The following PPP1CB variants were observed in gnomAD, a reference collection of about 807,000 sequenced individuals.
The protein encoded by PPP1CB is serine/threonine-protein phosphatase PP1-beta catalytic subunit.
In PPP1CB, 2 loss-of-function variants were observed where a neutral mutation model predicts 43.7. The ratio of observed to expected loss-of-function variants is 0.05; its 90% CI spans 0.02 to 0.14. The LOEUF (loss-of-function observed/expected upper bound fraction) is 0.14. Among genes scored for constraint, PPP1CB ranks in the 10% least tolerant of loss-of-function variants. The pLI is 1.00. For missense variants in PPP1CB, 84 were observed against 398.0 expected, an observed-to-expected ratio of 0.21 and a Z score of 6.71; for synonymous variants, 136 against 135.6, an observed-to-expected ratio of 1.00 and a Z score of -0.02.
At chr2:28,764,459 C>CAAA (rs563880320) in intron 1 of PPP1CB, among the ~76,000 whole-genome samples, 11 of 90,230 alleles carry the variant, frequency 1.2e-4, no homozygotes, top group African/African-American at 3.3e-4. Context: ...GACTCCATCT[C>CAAA]AAAAAAAAAA....
intron 6 of PPP1CB, among the ~76,000 whole-genome samples, chr2:28,791,609 C>T (rs1004306686): frequency 3.3e-5 from 5 of 152,030 alleles, no homozygotes; most frequent in Non-Finnish European, 5.9e-5. Flanking sequence ...ATTATAGGCA[C>T]GAGCCACCTC....
intron 1 of PPP1CB, among the ~76,000 whole-genome samples, chr2:28,767,754 CAG>C (rs1320619627): frequency 1.3e-5 from 2 of 152,234 alleles, no homozygotes; most frequent in East Asian, 3.9e-4. Flanking sequence ...TTATATGTCA[CAG>C]AGGATTCTTT....
At chr2:28,765,134 T>G (rs1195707052) in intron 1 of PPP1CB, among the ~76,000 whole-genome samples, 1 of 152,070 alleles carries the variant, frequency 6.6e-6, no homozygotes, top group Non-Finnish European at 1.5e-5. Flanking sequence ...AAACCTGCAA[T>G]GGAAAAGTTT....
chr2:28,776,712 A>G, intron 1 of PPP1CB, 139 bp from the exon 2 acceptor site: 1 of 639,162 alleles, frequency 1.6e-6, no homozygotes, highest in Non-Finnish European at 2.6e-6. Flanking sequence ...GAATAACATT[A>G]TTTTAAACCA....
chr2:28,790,384 G>A (rs1667361879), intron 6 of PPP1CB, among the ~76,000 whole-genome samples: 1 of 152,102 alleles, frequency 6.6e-6, no homozygotes, highest in South Asian at 2.1e-4. Context: ...CTGTCACCTA[G>A]GCTGGAGTGC....
chr2:28,779,140 A>C, intron 3 of PPP1CB, 101 bp downstream of exon 3: 1 of 880,216 alleles, frequency 1.1e-6, no homozygotes, highest in East Asian at 2.6e-5. Flanking sequence ...TTTCAAAATA[A>C]GATCTGTCAG....
intron 1 of PPP1CB, among the ~76,000 whole-genome samples, chr2:28,757,381 G>T (rs78554205): frequency 6.6e-6 from 1 of 152,042 alleles, no homozygotes; most frequent in South Asian, 2.1e-4. Flanking sequence ...TTTCAATTCC[G>T]TTGGGTATAT....
chr2:28,785,745 G>A (rs1271887531), intron 5 of PPP1CB, among the ~76,000 whole-genome samples: 2 of 152,156 alleles, frequency 1.3e-5, no homozygotes, highest in East Asian at 3.9e-4. Context: ...GGAAGTTGAG[G>A]CTGCGGTGAC....
intron 1 of PPP1CB, among the ~76,000 whole-genome samples, chr2:28,757,304 G>A (rs1166216573): frequency 6.6e-6 from 1 of 151,824 alleles, no homozygotes; most frequent in Non-Finnish European, 1.5e-5. Context: ...TTTTCTTTCG[G>A]CTATTGTGAA....
intron 6 of PPP1CB, among the ~76,000 whole-genome samples, chr2:28,790,420 A>G (rs1449991939): frequency 1.3e-5 from 2 of 151,992 alleles, no homozygotes; most frequent in Non-Finnish European, 2.9e-5. Context: ...GCTCACTGCA[A>G]CTTCCGCCTC....
intron 7 of PPP1CB, among the ~76,000 whole-genome samples, chr2:28,797,266 C>T (rs1443340556): frequency 6.6e-6 from 1 of 152,010 alleles, no homozygotes; most frequent in Non-Finnish European, 1.5e-5. Context: ...TTTGGTATTA[C>T]AATGATGCTC....
chr2:28,758,096 G>A (rs551574750), intron 1 of PPP1CB, among the ~76,000 whole-genome samples: 2 of 149,400 alleles, frequency 1.3e-5, no homozygotes, highest in Non-Finnish European at 3.0e-5. Flanking sequence ...CCCGGTTGGA[G>A]TGCAGTGGCA....
In PPP1CB at chr2:28,751,866, G is replaced by A. The variant is rs759760568; in HGVS notation, c.-259G>A. 1 of 558,038 alleles carries A rather than the reference G, an allele frequency of 1.8e-6. No individual in the cohort carries two copies. Among genetic ancestry groups the A allele is most frequent in the Non-Finnish European group, 3.2e-6 (1 of 307,802 alleles). 34.6% of individuals were successfully genotyped at this position (558,038 alleles called of 1,614,324 possible). A position where few individuals can be genotyped will look rare whatever the true frequency, so the allele number is the denominator to read the frequency against. On this transcript the variant is annotated 5_prime_UTR_variant, in exon 1 of 8. Transcript: ENST00000395366. ...CGGTGCCGAGGAGGAGGAGGTGGCG[G>A]CCTGGGTCTGACGCGGCCCTGTTCG... is the stretch of plus-strand genomic sequence containing the variant.
chr2:28,795,741 G>C (rs558494840), intron 7 of PPP1CB, among the ~76,000 whole-genome samples: 2 of 152,168 alleles, frequency 1.3e-5, no homozygotes, highest in East Asian at 3.9e-4. Flanking sequence ...CATTCTATAG[G>C]TTGTCTGTTT....
chr2:28,799,264 C>G lies in PPP1CB; in HGVS notation c.945C>G (p.Val315=), dbSNP rs1667558492. Residue 315 remains valine, a synonymous_variant, in exon 8 of 8, where the codon GTC becomes GTG. Coordinates refer to ENST00000395366, the MANE Select transcript of PPP1CB (RefSeq NM_002709.3). ...GTGGACTGAATTCTGGACGTCCTGTCACTCCACCTCGAACAGCTAATCCGC... is the reference window on the plus strand; with the variant it reads ...GTGGACTGAATTCTGGACGTCCTGTGACTCCACCTCGAACAGCTAATCCGC... ...QYGGLNSGRP[V]TPPRTANPPK... is the part of the protein sequence containing the mutation. 1 of 1,610,372 alleles carries G rather than the reference C, an allele frequency of 6.2e-7. No individual in the cohort carries two copies. Among genetic ancestry groups the G allele is most frequent in the Non-Finnish European group, 8.5e-7 (1 of 1,176,836 alleles).
Position 28,793,787 on chromosome 2 carries a change from C to T in PPP1CB, c.745-76C>T, listed in dbSNP as rs1667439809. On this transcript the variant is annotated intron_variant, in intron 6 of 7. Coordinates refer to ENST00000395366, the MANE Select transcript of PPP1CB (RefSeq NM_002709.3). Reference sequence around the variant, plus strand: ...TGAGGTGGGGCACAGTCTTTGCCACCTTAACCTTAATTAGTATAGATGGTT... The same window carrying T: ...TGAGGTGGGGCACAGTCTTTGCCACTTTAACCTTAATTAGTATAGATGGTT... 3.2e-6 allele frequency: 5 copies of T among 1,541,642 alleles called. No individual in the cohort carries two copies. The Admixed American group carries it at 7.2e-5, about 22-fold the overall frequency.
chr2:28,758,111 C>G (rs1666534072), intron 1 of PPP1CB, among the ~76,000 whole-genome samples: 2 of 149,628 alleles, frequency 1.3e-5, no homozygotes, highest in African/African-American at 4.9e-5. Flanking sequence ...GTGGCATGAA[C>G]ATGGCTCACC....
intron 4 of PPP1CB, among the ~76,000 whole-genome samples, chr2:28,783,389 AAAAATG>A (rs1312044700): frequency 2.6e-5 from 4 of 151,976 alleles, no homozygotes; most frequent in African/African-American, 9.7e-5. Context: ...CCTGGTAGGG[AAAAATG>A]GAAAAAAACA....
chr2:28,789,261 C>G (rs1277676810), intron 6 of PPP1CB, among the ~76,000 whole-genome samples: 1 of 151,916 alleles, frequency 6.6e-6, no homozygotes, highest in Non-Finnish European at 1.5e-5. Context: ...AATCCCAGCA[C>G]TTTGGCAAGC....
Sources: allele counts gnomAD v4.1 joint callset (sites outside exome capture counted in the v4.1 genomes callset), GRCh38; gene constraint gnomAD v4.1.1; transcripts MANE v1.5; gene names NCBI Gene and HGNC (gene_info 2026-07-23, HGNC 2026-07-21).